SYDE2: variants seen among roughly 807,000 people sequenced by gnomAD.
SYDE2 encodes synapse defective Rho GTPase homolog 2.
In SYDE2, 76 loss-of-function variants were observed where a neutral mutation model predicts 91.5. The observed-to-expected ratio is 0.83, with a 90% CI of 0.69 to 1.01. The LOEUF (loss-of-function observed/expected upper bound fraction) is 1.01, where lower values mean the gene tolerates loss of function less well. SYDE2 is among the 50% of genes least tolerant of loss of function. The probability of loss-of-function intolerance (pLI) is 0.00; values close to 1 mark genes in which losing one functional copy is unlikely to be tolerated. For missense variants in SYDE2, 1,364 were observed against 1,367.7 expected (o/e 1.00, Z 0.04); for synonymous variants, 513 against 506.4 (o/e 1.01, Z -0.18).
chr1:85,162,976 T>C (rs1657114624), intron 6 of SYDE2, among the ~76,000 whole-genome samples: 1 of 152,142 alleles, frequency 6.6e-6, no homozygotes, highest in Admixed American at 6.5e-5. Flanking sequence ...TCAATTACCC[T>C]GAGAATCTTG....
chr1:85,165,626 AAAG>A (rs1369348914), intron 5 of SYDE2, among the ~76,000 whole-genome samples: 31 of 151,522 alleles, frequency 2.0e-4, no homozygotes, highest in African/African-American at 6.7e-4. Context: ...TAAACCTTAA[AAAG>A]AAGAATAGTA....
In SYDE2 at chr1:85,182,586, A is replaced by T. The variant is rs1657973750; in HGVS notation, c.2056T>A (p.Phe686Ile). The T allele has an allele frequency of 6.2e-7, 1 of 1,613,822 alleles. No homozygotes were observed. Among genetic ancestry groups the T allele is most frequent in the African/African-American group, 1.3e-5 (1 of 74,942 alleles). The change falls in exon 3 of 7, where the codon TTC becomes ATC. Residue 686 changes from phenylalanine to isoleucine, a missense_variant. Phe to Ile is a conservative substitution (Grantham distance 21). Coordinates refer to ENST00000341460, the MANE Select transcript of SYDE2 (RefSeq NM_032184.2). ...QYISGLMSVHFYGAEDLKPPR... is the reference protein window; with the variant it reads ...QYISGLMSVHIYGAEDLKPPR... Reference sequence around the variant, plus strand: ...GGTTTTAAATCCTCAGCACCATAGAAATGTACACTCATGAGCCCAGATATG... The same window carrying T: ...GGTTTTAAATCCTCAGCACCATAGATATGTACACTCATGAGCCCAGATATG...
In SYDE2 at chr1:85,159,261, C is replaced by T. The variant is rs758511883; in HGVS notation, c.3086-12G>A. On this transcript the variant is annotated splice_polypyrimidine_tract_variant and intron_variant, in intron 6 of 6. Coordinates refer to ENST00000341460, the MANE Select transcript of SYDE2 (RefSeq NM_032184.2). ...AGTTAAACGCTGCACTAGAAACAAA[C>T]AATAATTTTGCTTTAGTGACAGTAA... 1.3e-6 allele frequency: 1 copy of T among 772,806 alleles called. No individual in the cohort carries two copies. The highest frequency in any genetic ancestry group is 1.4e-5 in the South Asian group (1 of 72,716). 47.9% of individuals were successfully genotyped at this position (772,806 alleles called of 1,614,324 possible).
intron 1 of SYDE2, among the ~76,000 whole-genome samples, chr1:85,197,502 G>T (rs1658632631): frequency 6.6e-6 from 1 of 152,070 alleles, no homozygotes; most frequent in Non-Finnish European, 1.5e-5. Flanking sequence ...ACATAAACAA[G>T]AATGTACTGG....
chr1:85,183,637 G>A lies in SYDE2; in HGVS notation c.1442-437C>T, dbSNP rs370148527. Among the ~76,000 whole-genome samples the A allele has an allele frequency of 1.2e-3, 190 of 152,192 alleles. 1 individual carries two copies. In the Middle Eastern group the frequency reaches 0.017, roughly 14 times the overall value. ...TTTATAGAGAAAAAAACTATTTTAA[G>A]TATGCCTACAGGGCTTTTCTATTAA... On this transcript the variant is annotated intron_variant, in intron 2 of 6. Transcript: ENST00000341460.
At chr1:85,199,647 G>A (rs2100700465) in intron 1 of SYDE2, among the ~76,000 whole-genome samples, 1 of 152,106 alleles carries the variant, frequency 6.6e-6, no homozygotes, top group East Asian at 1.9e-4. Flanking sequence ...GGGGAGGCAG[G>A]TGGAGAGATG....
At position 85,182,130 on chromosome 1, in the gene SYDE2, A is replaced by G; in HGVS notation, c.2512T>C (p.Cys838Arg). ...CCTCTCTTTTCAATTTCCATAATAC[A>G]TTTCTGTATCAGAAGGGGCACCATC... ...GLMVPLLIQK[C>R]IMEIEKRGCQ... The change falls in exon 3 of 7, where the codon TGT (cysteine) becomes CGT (arginine). Residue 838 changes from cysteine (C) to arginine (R), a missense_variant. By Grantham distance (180) the Cys-to-Arg change is radical. Coordinates refer to ENST00000341460, the MANE Select transcript of SYDE2 (RefSeq NM_032184.2). 1 of 1,599,546 alleles carries G rather than the reference A, an allele frequency of 6.3e-7. No homozygotes were observed. The highest frequency in any genetic ancestry group is 8.5e-7 in the Non-Finnish European group (1 of 1,173,912).
intron 1 of SYDE2, among the ~76,000 whole-genome samples, chr1:85,192,273 TG>T (rs1440644230): frequency 6.6e-6 from 1 of 152,114 alleles, no homozygotes; most frequent in East Asian, 1.9e-4. Context: ...CCAGGTGTGG[TG>T]GCACACACCT....
At chr1:85,155,329 G>C (rs1656856065), downstream of SYDE2, among the ~76,000 whole-genome samples, 1 of 152,100 alleles carries the variant, frequency 6.6e-6, no homozygotes, top group African/African-American at 2.4e-5. Context: ...TAAAGCAAGT[G>C]TTTTTCTTCT....
chr1:85,168,066 G>A (rs1657357323), intron 5 of SYDE2, among the ~76,000 whole-genome samples: 1 of 151,028 alleles, frequency 6.6e-6, no homozygotes, highest in Non-Finnish European at 1.5e-5. Context: ...AGTGAGCTGA[G>A]ATCGCACCAC....
chr1:85,155,490 T>TAAAA (rs374745850), downstream of SYDE2, among the ~76,000 whole-genome samples: 60 of 151,630 alleles, frequency 4.0e-4, no homozygotes, highest in South Asian at 1.2e-3. Context: ...AGATTTTTTT[T>TAAAA]AAAAAAAAAG....
rs977152287 is a variant in SYDE2 at position 85,158,495 on chromosome 1, T to C, written c.*255A>G. On this transcript the variant is annotated 3_prime_UTR_variant, in exon 7 of 7. Coordinates refer to ENST00000341460, the MANE Select transcript of SYDE2 (RefSeq NM_032184.2). ...CCTTCTTAAGTGCATTTGAAAGTTA[T>C]CTCCATAGAGTTGGCAAGATTTAGT... 3 of 368,962 alleles carry C rather than the reference T, an allele frequency of 8.1e-6. No individual in the cohort carries two copies. The highest frequency in any genetic ancestry group is 1.4e-5 in the Non-Finnish European group (3 of 210,816). The allele number at this position is 368,962 out of a possible 1,614,324, so 22.9% of individuals were successfully genotyped here.
rs1658767584 is a variant in SYDE2, at chr1:85,200,343, T to C, written c.654A>G (p.Gly218=). The C allele has an allele frequency of 6.2e-7, 1 of 1,614,032 alleles. No homozygotes were observed. Among genetic ancestry groups the C allele is most frequent in the Non-Finnish European group, 8.5e-7 (1 of 1,179,890 alleles). Residue 218 remains glycine (G), a synonymous_variant, in exon 1 of 7, where the codon GGA becomes GGG. Transcript: ENST00000341460. ...CCACATTTGGGGAGGCTGCCTGCGT[T>C]CCTGTGACTTTGGGAGCCGTCCCAC... is the stretch of plus-strand genomic sequence containing the variant. ...RARGTAPKVT[G]TQAASPNVGA...
intron 1 of SYDE2, among the ~76,000 whole-genome samples, chr1:85,198,463 G>A (rs1658684568): frequency 6.6e-6 from 1 of 151,928 alleles, no homozygotes; most frequent in Admixed American, 6.6e-5. Flanking sequence ...ATGAATTAGT[G>A]GTTTAAAAGG....
At chr1:85,187,068 G>C (rs1557754669) in intron 2 of SYDE2, among the ~76,000 whole-genome samples, 1 of 151,976 alleles carries the variant, frequency 6.6e-6, no homozygotes, top group African/African-American at 2.4e-5. Context: ...TACCATCAGA[G>C]TGAACAGGCA....
chr1:85,193,135 T>TAGAA (rs1658436728), intron 1 of SYDE2, among the ~76,000 whole-genome samples: 2 of 152,236 alleles, frequency 1.3e-5, no homozygotes, highest in Admixed American at 6.5e-5. Flanking sequence ...TTTCTCTGGT[T>TAGAA]CTATCTCCAT....
Position 85,158,536 on chromosome 1 carries a change from G to A in SYDE2, c.*214C>T. On this transcript the variant is annotated 3_prime_UTR_variant, in exon 7 of 7. Coordinates refer to ENST00000341460, the MANE Select transcript of SYDE2 (RefSeq NM_032184.2). ...AAGATTTAGTAAAATATCCCAAGAA[G>A]TCCAAGTTTTATTGATCCCCAGAAA... 4.3e-6 allele frequency: 2 copies of A among 462,020 alleles called. No homozygotes were observed. Among genetic ancestry groups the A allele is most frequent in the South Asian group, 3.9e-5 (1 of 25,816 alleles). The allele number at this position is 462,020 out of a possible 1,614,324, so 28.6% of individuals were successfully genotyped here. A position where few individuals can be genotyped will look rare whatever the true frequency, so the allele number is the denominator to read the frequency against.
At chr1:85,166,217 G>T (rs967072215) in intron 5 of SYDE2, among the ~76,000 whole-genome samples, 15 of 151,806 alleles carry the variant, frequency 9.9e-5, no homozygotes, top group Admixed American at 9.2e-4. Flanking sequence ...GTGCACACCT[G>T]TAATCCCAGC....
intron 4 of SYDE2, among the ~76,000 whole-genome samples, chr1:85,176,400 A>AT (rs1363130175): frequency 6.6e-6 from 1 of 152,138 alleles, no homozygotes; most frequent in Non-Finnish European, 1.5e-5. Context: ...CAAAGTTTTG[A>AT]TTATCCAAGA....
Sources: gnomAD v4.1 joint callset for allele counts (sites outside exome capture counted in the v4.1 genomes callset) on GRCh38, gnomAD v4.1.1 for gene constraint, MANE v1.5 for transcripts, NCBI Gene and HGNC (gene_info 2026-07-23, HGNC 2026-07-21) for gene names.